LRIF1: variants seen among roughly 807,000 people sequenced by gnomAD.
LRIF1 encodes the protein ligand-dependent nuclear receptor-interacting factor 1.
In LRIF1, 32 loss-of-function variants were observed where a neutral mutation model predicts 52.7. That is an observed-to-expected ratio of 0.61 (90% CI 0.46 to 0.82). LRIF1 has a LOEUF of 0.82. LRIF1 is among the 40% of genes least tolerant of loss of function. The pLI, the probability that LRIF1 is intolerant of heterozygous loss-of-function variation, is 0.00. For synonymous variants in LRIF1, 323 were observed against 317.4 expected (o/e 1.02, Z -0.19); for missense variants, 887 against 892.0 (o/e 0.99, Z 0.07).
At chr1:110,898,358 C>G in the LRIF1 span, among the ~76,000 whole-genome samples, 1 of 133,564 alleles carries the variant, frequency 7.5e-6, no homozygotes, top group Non-Finnish European at 1.6e-5. Context: ...GCCTGGGCGA[C>G]AGAGCGAGAC....
the LRIF1 span, among the ~76,000 whole-genome samples, chr1:110,914,283 C>A: frequency 6.6e-6 from 1 of 151,858 alleles, no homozygotes; most frequent in Non-Finnish European, 1.5e-5. Flanking sequence ...AACAAACCTG[C>A]GCATGTATCC....
downstream of LRIF1, chr1:110,944,370 C>T (rs1658153421): frequency 6.6e-6 from 1 of 152,098 alleles, no homozygotes; most frequent in Non-Finnish European, 1.5e-5. Context: ...TTTGAGATGT[C>T]TATTTAGACA....
Position 110,951,888 on chromosome 1 carries a change from T to G in LRIF1, c.996A>C (p.Ile332=). The change falls in exon 2 of 4, where the codon ATA becomes ATC. Residue 332 remains isoleucine, a synonymous_variant. Coordinates refer to ENST00000369763, the MANE Select transcript of LRIF1 (RefSeq NM_018372.4). ...VDRKNLGDNT[I]NMPPLSTIDP... ...CGATGGTACTCAATGGTGGCATATTTATAGTATTATCTCCCAAATTTTTCC... is the reference window on the plus strand; with the variant it reads ...CGATGGTACTCAATGGTGGCATATTGATAGTATTATCTCCCAAATTTTTCC... 1 of 1,613,976 alleles carries G rather than the reference T, an allele frequency of 6.2e-7. No homozygotes were observed.
chr1:110,931,141 C>A, the LRIF1 span, among the ~76,000 whole-genome samples: 33 of 152,164 alleles, frequency 2.2e-4, no homozygotes, highest in Non-Finnish European at 3.8e-4. Flanking sequence ...CCCAGCCCCC[C>A]AACCCCTGAC....
At chr1:110,944,522 AG>A (rs1185859181), downstream of LRIF1, 4 of 152,268 alleles carry the variant, frequency 2.6e-5, no homozygotes, top group African/African-American at 9.6e-5. Context: ...ATAAGCAAAG[AG>A]GCAAACCGTG....
chr1:110,900,010 T>C, the LRIF1 span: 1 of 152,636 alleles, frequency 6.6e-6, no homozygotes, highest in Non-Finnish European at 1.5e-5. Flanking sequence ...ATTAATTGTC[T>C]CCTGCTGCAT....
intron 1 of LRIF1, among the ~76,000 whole-genome samples, chr1:110,955,020 T>C (rs1658638657): frequency 6.6e-6 from 1 of 152,242 alleles, no homozygotes; most frequent in African/African-American, 2.4e-5. Flanking sequence ...AATATTTCTA[T>C]CTGTGGCTTC....
the LRIF1 span, among the ~76,000 whole-genome samples, chr1:110,915,199 T>A: frequency 6.6e-6 from 1 of 152,162 alleles, no homozygotes. Context: ...ATAAAATAAA[T>A]TTACGGCCGG....
the LRIF1 span, among the ~76,000 whole-genome samples, chr1:110,876,780 A>G: frequency 3.3e-5 from 5 of 152,214 alleles, no homozygotes; most frequent in African/African-American, 1.2e-4. Flanking sequence ...CTTTAAAAAA[A>G]TGACAAAATT....
the LRIF1 span, among the ~76,000 whole-genome samples, chr1:110,900,123 G>T: frequency 6.6e-6 from 1 of 152,144 alleles, no homozygotes. Context: ...GGTGATTCTG[G>T]TTCACAGTCT....
At chr1:110,875,664 T>C in the LRIF1 span, among the ~76,000 whole-genome samples, 1 of 152,082 alleles carries the variant, frequency 6.6e-6, no homozygotes, top group Non-Finnish European at 1.5e-5. Context: ...AGGAAGCTCC[T>C]AGGACCCATC....
rs1453624314 is a variant in LRIF1, at chr1:110,948,087, T to A, written c.2182A>T (p.Ile728Phe). Residue 728 changes from isoleucine (I) to phenylalanine (F), a missense_variant, in exon 4 of 4, where the codon ATT becomes TTT. Transcript: ENST00000369763. ...HFFNKNYTED[I>F]FPVTPPELEE... ...AACTCCGGTGGTGTCACTGGGAAAA[T>A]ATCTTCGGTATAATTTTTATTGAAG... 2 of 1,613,978 alleles carry A rather than the reference T, an allele frequency of 1.2e-6. No homozygotes were observed. Among genetic ancestry groups the A allele is most frequent in the African/African-American group, 2.7e-5 (2 of 74,914 alleles).
Position 110,957,470 on chromosome 1 carries a change from CAAAAA to C in LRIF1, c.69-4660_69-4656del, listed in dbSNP as rs34396800. Among the ~76,000 whole-genome samples, 165 of 42,788 alleles carry C rather than the reference CAAAAA, an allele frequency of 3.9e-3. 2 individuals carry two copies. The highest frequency in any genetic ancestry group is 0.022 in the South Asian group (17 of 766). The allele number at this position is 42,788 out of a possible 152,430, so 28.1% of individuals were successfully genotyped here. On this transcript the variant is annotated intron_variant, in intron 1 of 3. Transcript: ENST00000369763. ...TGGGCGACAAAGCAAGACTCAGTCT[CAAAAA>C]AAAAAAAAAAAAAAAAAGACTGCAA... is the stretch of plus-strand genomic sequence containing the variant.
Position 110,952,206 on chromosome 1 carries a change from C to T in LRIF1, c.678G>A (p.Met226Ile). 1 of 1,614,128 alleles carries T rather than the reference C, an allele frequency of 6.2e-7. No individual in the cohort carries two copies. The highest frequency in any genetic ancestry group is 8.5e-7 in the Non-Finnish European group (1 of 1,180,020). ...CAGGAGATACATAAATAACGGTTGG[C>T]ATTTGGGAGGCCTCAACCATTCCTG... ...STSGMVEASQ[M>I]PTVIYVSPVN... Residue 226 changes from methionine (M) to isoleucine (I), a missense_variant, in exon 2 of 4, where the codon ATG becomes ATA. By Grantham distance (10) the Met-to-Ile change is conservative (BLOSUM62 1). Transcript: ENST00000369763.
chr1:110,916,371 G>A, the LRIF1 span, among the ~76,000 whole-genome samples: 3 of 152,066 alleles, frequency 2.0e-5, no homozygotes, highest in Non-Finnish European at 2.9e-5. Context: ...GACTTGTAGG[G>A]TCGAATAACA....
chr1:110,895,207 G>A, the LRIF1 span: 1 of 631,216 alleles, frequency 1.6e-6, no homozygotes, highest in South Asian at 1.8e-5. Flanking sequence ...AAACATGGGA[G>A]CCCAGTAATT....
At chr1:110,934,636 A>G in the LRIF1 span, among the ~76,000 whole-genome samples, 2 of 152,306 alleles carry the variant, frequency 1.3e-5, no homozygotes, top group South Asian at 4.1e-4. Context: ...AGAGTGGGAA[A>G]CACTGTGTTT....
chr1:110,878,267 C>CA, the LRIF1 span, among the ~76,000 whole-genome samples: 1 of 152,170 alleles, frequency 6.6e-6, no homozygotes, highest in African/African-American at 2.4e-5. Flanking sequence ...TGGGAGCCCT[C>CA]ACTGGGGCAG....
chr1:110,890,295 G>A, the LRIF1 span, among the ~76,000 whole-genome samples: 78 of 152,262 alleles, frequency 5.1e-4, 1 homozygote, highest in East Asian at 0.012. Context: ...GGCCAGGTGC[G>A]GTAGCTCATG....
Sources: allele counts gnomAD v4.1 joint callset (sites outside exome capture counted in the v4.1 genomes callset), GRCh38; gene constraint gnomAD v4.1.1; transcripts MANE v1.5; gene names NCBI Gene and HGNC (gene_info 2026-07-23, HGNC 2026-07-21).